EXD3: variants seen among roughly 807,000 people sequenced by gnomAD.
The protein encoded by EXD3 is exonuclease mut-7 homolog.
In EXD3, 92 loss-of-function variants were observed where a neutral mutation model predicts 98.0. The ratio of observed to expected loss-of-function variants is 0.94; its 90% CI spans 0.79 to 1.12. The LOEUF (loss-of-function observed/expected upper bound fraction) is 1.12, where lower values mean the gene tolerates loss of function less well. EXD3 is among the 50% of genes most tolerant of loss of function. The pLI is 0.00. For missense variants in EXD3, 1,222 were observed against 1,191.6 expected (o/e 1.03, Z -0.38); for synonymous variants, 569 against 526.0 (o/e 1.08, Z -1.12).
intron 1 of EXD3, among the ~76,000 whole-genome samples, chr9:137,417,335 C>T (rs1011603855): frequency 6.6e-6 from 1 of 152,210 alleles, no homozygotes; most frequent in Non-Finnish European, 1.5e-5. Flanking sequence ...CGGCAGCGCC[C>T]AGGCTGCCAG....
Position 137,373,088 on chromosome 9 carries a change from C to T in EXD3, c.295-16G>A. 1 of 1,545,628 alleles carries T rather than the reference C, an allele frequency of 6.5e-7. No individual in the cohort carries two copies. The highest frequency in any genetic ancestry group is 1.2e-5 in the South Asian group (1 of 81,806). ...TCAGGCTGTGCTGGAAGAGCAGGGA[C>T]CCAGACTTACTGGACGCAGCACCCA... is the stretch of plus-strand genomic sequence containing the variant. On this transcript the variant is annotated splice_polypyrimidine_tract_variant and intron_variant, in intron 4 of 21. Transcript: ENST00000340951.
intron 13 of EXD3, 40 bp downstream of exon 13, chr9:137,351,274 GCTTT>G (rs1305755887): frequency 5.1e-6 from 8 of 1,576,696 alleles, no homozygotes; most frequent in Non-Finnish European, 6.9e-6. Flanking sequence ...GGTGCGGGCT[GCTTT>G]CTTTCTGGAC....
chr9:137,373,336 G>A, intron 4 of EXD3, 90 bp downstream of exon 4: 2 of 1,459,618 alleles, frequency 1.4e-6, no homozygotes, highest in Non-Finnish European at 1.9e-6. Context: ...TGAGCGGGCT[G>A]CAAAGGCCTG....
intron 1 of EXD3, among the ~76,000 whole-genome samples, chr9:137,398,624 C>T (rs1157145255): frequency 1.3e-5 from 2 of 151,220 alleles, no homozygotes; most frequent in Admixed American, 1.3e-4. Context: ...CCCGCGTCCC[C>T]AAGACACACA....
At position 137,383,362 on chromosome 9, in the gene EXD3, A is replaced by G. The variant is rs1341105890; in HGVS notation, c.71T>C (p.Leu24Pro). The G allele has an allele frequency of 1.9e-6, 3 of 1,550,650 alleles. No homozygotes were observed. The highest frequency in any genetic ancestry group is 4.9e-5 in the East Asian group (2 of 41,006). The part of the protein sequence containing the change: ...ERHRMGRDPL[L>P]LLQALQTLWS... ...CAGGGTCTGCAGGGCCTGCAGGAGC[A>G]GGAGGGGGTCCCGGCCTGTGGAGAT... is the stretch of plus-strand genomic sequence containing the variant. Residue 24 changes from leucine (L) to proline (P), a missense_variant, in exon 3 of 22, where the codon CTG becomes CCG. Transcript: ENST00000340951.
At position 137,356,259 on chromosome 9, in the gene EXD3, T is replaced by G. The variant is rs771963672; in HGVS notation, c.757+9A>C. 6.3e-7 allele frequency: 1 copy of G among 1,588,278 alleles called. No homozygotes were observed. The stretch of plus-strand genomic sequence containing the variant: ...GCCTGTGGGGCAGGAATGTGGGGGC[T>G]GGACTCACCTGGGGCTACGCCGTAC... On this transcript the variant is annotated intron_variant, in intron 8 of 21. Transcript: ENST00000340951.
chr9:137,340,049 T>C (rs1833564682), intron 17 of EXD3, among the ~76,000 whole-genome samples: 1 of 152,172 alleles, frequency 6.6e-6, no homozygotes, highest in Non-Finnish European at 1.5e-5. Flanking sequence ...AGAAGACTAA[T>C]TCATCAAGAG....
chr9:137,393,199 C>T lies in EXD3; in HGVS notation c.55+2104G>A, dbSNP rs777325429. 3.5e-4 allele frequency: 246 copies of T among 702,540 alleles called. No homozygotes were observed. The highest frequency in any genetic ancestry group is 4.7e-4 in the Middle Eastern group (2 of 4,264). 43.5% of individuals were successfully genotyped at this position (702,540 alleles called of 1,614,324 possible). Reference sequence around the variant, plus strand: ...TGCACTTTGAAAACATCCCACTCTGCTTAGGTGGAGAAGAGGCTGTAGAAG... The same window carrying T: ...TGCACTTTGAAAACATCCCACTCTGTTTAGGTGGAGAAGAGGCTGTAGAAG... On this transcript the variant is annotated intron_variant, in intron 2 of 21. Transcript: ENST00000340951. The surrounding 1 kb of genome is among the most constrained non-coding windows in gnomAD (Gnocchi z 4.6).
chr9:137,344,759 A>G (rs935741218), intron 17 of EXD3, among the ~76,000 whole-genome samples: 2 of 149,984 alleles, frequency 1.3e-5, no homozygotes, highest in Non-Finnish European at 2.9e-5. Flanking sequence ...CAGCAGGAAC[A>G]GGCCAGGCTG....
In EXD3 at chr9:137,395,452, A is replaced by G; in HGVS notation, c.-47-48T>C. On this transcript the variant is annotated intron_variant, in intron 1 of 21. Coordinates refer to ENST00000340951, the MANE Select transcript of EXD3 (RefSeq NM_017820.5). The surrounding 1 kb of genome is among the most constrained non-coding windows in gnomAD (Gnocchi z 6.5). ...GAATGCAGAGCCCACTGCAACAGGC[A>G]GCCATGCAGAGCCCACGCCCACAGC... The G allele has an allele frequency of 6.4e-7, 1 of 1,559,652 alleles. No homozygotes were observed. Among genetic ancestry groups the G allele is most frequent in the South Asian group, 1.1e-5 (1 of 87,788 alleles).
At chr9:137,343,437 C>T (rs1833750463) in intron 17 of EXD3, 1 of 33,698 alleles carries the variant, frequency 3.0e-5, no homozygotes, top group Admixed American at 2.9e-4. Flanking sequence ...CCCATTATAT[C>T]CATTAGTTTG....
At chr9:137,362,376 A>G (rs1011814395) in intron 7 of EXD3, among the ~76,000 whole-genome samples, 2 of 152,234 alleles carry the variant, frequency 1.3e-5, no homozygotes, top group Non-Finnish European at 2.9e-5. Context: ...AATGGTGCAA[A>G]TGCATCATAC....
chr9:137,314,123 C>T (rs969041460), intron 19 of EXD3, among the ~76,000 whole-genome samples: 3 of 152,142 alleles, frequency 2.0e-5, no homozygotes, highest in Admixed American at 2.0e-4. Context: ...GGGTGTGGGC[C>T]TGACACCTTG....
At chr9:137,355,522 G>A (rs1834638832) in intron 8 of EXD3, among the ~76,000 whole-genome samples, 4 of 127,508 alleles carry the variant, frequency 3.1e-5, no homozygotes, top group East Asian at 2.3e-4. Flanking sequence ...AAGGAGGAAG[G>A]AGGATGGAGG....
intron 19 of EXD3, among the ~76,000 whole-genome samples, chr9:137,322,564 G>T (rs1588242646): frequency 1.3e-5 from 1 of 79,300 alleles, no homozygotes; most frequent in South Asian, 6.2e-4. Context: ...CACGAGGGAT[G>T]CTCTGCCGAC....
intron 1 of EXD3, among the ~76,000 whole-genome samples, chr9:137,396,613 C>T (rs1310571733): frequency 6.6e-6 from 1 of 152,222 alleles, no homozygotes; most frequent in Non-Finnish European, 1.5e-5. Flanking sequence ...ATCTGTCTCA[C>T]CTGTCGGCCA....
Position 137,374,666 on chromosome 9 carries a change from G to A in EXD3, c.121-1067C>T, listed in dbSNP as rs746518277. The A allele has an allele frequency of 3.0e-5, 30 of 985,476 alleles. No homozygotes were observed. The South Asian group carries it at 4.7e-4, about 15-fold the overall frequency. The allele number at this position is 985,476 out of a possible 1,614,324, so 61.0% of individuals were successfully genotyped here. A position where few individuals can be genotyped will look rare whatever the true frequency, so the allele number is the denominator to read the frequency against. Reference sequence around the variant, plus strand: ...CCAGGAGGGTGCCATGCCCAAAGGCGCGGGAGGCAAGGCTGCAAAGTCCAG... The same window carrying A: ...CCAGGAGGGTGCCATGCCCAAAGGCACGGGAGGCAAGGCTGCAAAGTCCAG... On this transcript the variant is annotated intron_variant, in intron 3 of 21. Transcript: ENST00000340951.
intron 17 of EXD3, among the ~76,000 whole-genome samples, chr9:137,330,659 A>G (rs1312634131): frequency 7.1e-6 from 1 of 141,762 alleles, no homozygotes; most frequent in African/African-American, 2.5e-5. Flanking sequence ...CACAGGACTG[A>G]TGGACTTCTC....
intron 20 of EXD3, 35 bp from the exon 21 acceptor site, chr9:137,307,681 T>C: frequency 1.2e-6 from 2 of 1,605,244 alleles, no homozygotes; most frequent in Non-Finnish European, 1.7e-6. Flanking sequence ...TCCGGGACTG[T>C]CCTAGGGATG....
Sources: allele counts gnomAD v4.1 joint callset (sites outside exome capture counted in the v4.1 genomes callset), GRCh38; gene constraint gnomAD v4.1.1; non-coding constraint Gnocchi (gnomAD v3.1); transcripts MANE v1.5; gene names NCBI Gene and HGNC (gene_info 2026-07-23, HGNC 2026-07-21).